HS3ST4: variants seen among roughly 807,000 people sequenced by gnomAD.
HS3ST4 encodes heparan sulfate glucosamine 3-O-sulfotransferase 4.
HS3ST4 carries 17 observed loss-of-function variants against 29.2 expected under a neutral mutation model. The observed-to-expected ratio is 0.58, with a 90% CI of 0.40 to 0.87. The LOEUF (loss-of-function observed/expected upper bound fraction) is 0.87. HS3ST4 is among the 40% of genes least tolerant of loss of function. The probability of loss-of-function intolerance (pLI) is 0.00; values close to 1 mark genes in which losing one functional copy is unlikely to be tolerated. For missense variants in HS3ST4, 627 were observed against 634.5 expected (o/e 0.99, Z 0.13); for synonymous variants, 314 against 285.7 (o/e 1.10, Z -1.00).
intron 1 of HS3ST4, among the ~76,000 whole-genome samples, chr16:26,127,346 C>A: frequency 6.6e-6 from 1 of 152,208 alleles, no homozygotes; most frequent in East Asian, 1.9e-4. Context: ...GTCACGATGG[C>A]TCACGCCAGT....
intron 1 of HS3ST4, among the ~76,000 whole-genome samples, chr16:25,962,539 A>G (rs1968805677): frequency 6.6e-6 from 1 of 152,164 alleles, no homozygotes; most frequent in Non-Finnish European, 1.5e-5. Context: ...GTGCCTAACC[A>G]CAGTAACAAT....
rs1051885767 is a variant in HS3ST4, at chr16:25,692,464, C to T, written c.47C>T (p.Pro16Leu). 9.8e-5 allele frequency: 133 copies of T among 1,356,152 alleles called. 1 individual carries two copies. The highest frequency in any genetic ancestry group is 1.2e-4 in the Non-Finnish European group (124 of 1,040,914). The allele number at this position is 1,356,152 out of a possible 1,614,324, so 84.0% of individuals were successfully genotyped here. ...APPPPPPPPP[P>L]LAAPPPPGAS... ...CCTCCGCCTCCGCCTCCGCCTCCAC[C>T]TCTGGCCGCGCCGCCGCCGCCCGGC... is the stretch of plus-strand genomic sequence containing the variant. Residue 16 changes from proline (P) to leucine (L), a missense_variant, in exon 1 of 2, where the codon CCT (proline) becomes CTT (leucine). Physicochemically the swap from Pro to Leu is moderately conservative, Grantham distance 98. This residue lies in a region of HS3ST4 where 402 missense variants were observed against 340.8 expected (regional missense o/e 1.18). Coordinates refer to ENST00000331351, the MANE Select transcript of HS3ST4 (RefSeq NM_006040.3).
intron 1 of HS3ST4, among the ~76,000 whole-genome samples, chr16:25,781,274 C>T (rs1966852340): frequency 6.6e-6 from 1 of 152,168 alleles, no homozygotes; most frequent in Admixed American, 6.5e-5. Context: ...TTAAAGTAGG[C>T]TCTTTTGCTC....
At chr16:25,885,307 G>A (rs1199190027) in intron 1 of HS3ST4, among the ~76,000 whole-genome samples, 1 of 152,176 alleles carries the variant, frequency 6.6e-6, no homozygotes, top group Admixed American at 6.5e-5. Context: ...CAAAACAGTG[G>A]TTTCTCAACT....
intron 1 of HS3ST4, among the ~76,000 whole-genome samples, chr16:25,706,595 ACTGTT>A (rs778668613): frequency 2.1e-4 from 32 of 151,896 alleles, no homozygotes; most frequent in Admixed American, 4.6e-4. Flanking sequence ...ATGTGTTCTC[ACTGTT>A]CGGCTCCCAC....
chr16:25,722,128 T>C (rs1966501478), intron 1 of HS3ST4, among the ~76,000 whole-genome samples: 2 of 152,240 alleles, frequency 1.3e-5, no homozygotes, highest in African/African-American at 4.8e-5. Context: ...AGGATTCTAC[T>C]GGGAGTGGGT....
chr16:26,030,392 G>A (rs1969521017), intron 1 of HS3ST4, among the ~76,000 whole-genome samples: 1 of 152,146 alleles, frequency 6.6e-6, no homozygotes, highest in Non-Finnish European at 1.5e-5. Flanking sequence ...GGCACCGGGT[G>A]AGACGCCGTC....
chr16:25,891,177 C>T (rs1968004186), intron 1 of HS3ST4, among the ~76,000 whole-genome samples: 1 of 152,124 alleles, frequency 6.6e-6, no homozygotes, highest in South Asian at 2.1e-4. Flanking sequence ...AGCCTGTCAC[C>T]GGGTATTAGG....
At chr16:25,884,528 G>A (rs139868453) in intron 1 of HS3ST4, among the ~76,000 whole-genome samples, 10 of 152,228 alleles carry the variant, frequency 6.6e-5, no homozygotes, top group Non-Finnish European at 1.2e-4. Context: ...CCCCTTTGTA[G>A]CATCTTTAGA....
chr16:25,834,031 T>C (rs1967333199), intron 1 of HS3ST4, among the ~76,000 whole-genome samples: 1 of 151,768 alleles, frequency 6.6e-6, no homozygotes. Flanking sequence ...GAAAAAAAAA[T>C]GGCCAAGATT....
chr16:26,041,836 T>A (rs12922783), intron 1 of HS3ST4, among the ~76,000 whole-genome samples: 4,607 of 152,316 alleles, frequency 0.03, 93 homozygotes, highest in Non-Finnish European at 0.046. Flanking sequence ...ACTGTCCCAG[T>A]CAAACCATGA....
intron 1 of HS3ST4, among the ~76,000 whole-genome samples, chr16:26,050,787 G>T (rs1898332636): frequency 6.6e-6 from 1 of 152,200 alleles, no homozygotes; most frequent in Admixed American, 6.5e-5. Context: ...GTTGTGTGAA[G>T]GCATGCATCC....
chr16:25,862,671 C>T (rs562506388), intron 1 of HS3ST4, among the ~76,000 whole-genome samples: 1 of 150,490 alleles, frequency 6.6e-6, no homozygotes, highest in South Asian at 2.1e-4. Context: ...CGCTATTTAA[C>T]GATACCGTTT....
chr16:26,058,410 G>A (rs1898436565), intron 1 of HS3ST4, among the ~76,000 whole-genome samples: 2 of 152,156 alleles, frequency 1.3e-5, no homozygotes, highest in Admixed American at 1.3e-4. Flanking sequence ...GGGCTTTGGG[G>A]CAGGGCAGCA....
intron 1 of HS3ST4, among the ~76,000 whole-genome samples, chr16:25,961,971 G>C (rs1331623865): frequency 6.6e-6 from 1 of 152,178 alleles, no homozygotes; most frequent in Non-Finnish European, 1.5e-5. Flanking sequence ...AGATGATACT[G>C]TTGATATTTA....
chr16:25,780,262 G>T (rs1426172423), intron 1 of HS3ST4, among the ~76,000 whole-genome samples: 1 of 152,042 alleles, frequency 6.6e-6, no homozygotes, highest in South Asian at 2.1e-4. Context: ...TTTCCATATG[G>T]CCAAGCTATA....
intron 1 of HS3ST4, among the ~76,000 whole-genome samples, chr16:25,735,116 T>G (rs2141595301): frequency 6.6e-6 from 1 of 152,352 alleles, no homozygotes; most frequent in South Asian, 2.1e-4. Context: ...AAATACTGCC[T>G]TCAACCCTTG....
intron 1 of HS3ST4, among the ~76,000 whole-genome samples, chr16:25,732,769 C>A (rs1966579295): frequency 6.6e-6 from 1 of 152,164 alleles, no homozygotes; most frequent in African/African-American, 2.4e-5. Flanking sequence ...ATCGGAAGCC[C>A]TGTGTCTTCA....
intron 1 of HS3ST4, among the ~76,000 whole-genome samples, chr16:26,047,551 G>C (rs1484692883): frequency 1.3e-5 from 2 of 152,118 alleles, no homozygotes; most frequent in African/African-American, 2.4e-5. Context: ...TATCAACCCT[G>C]CTTTCCAGGT....
Sources: gnomAD v4.1 joint callset for allele counts (sites outside exome capture counted in the v4.1 genomes callset) on GRCh38, gnomAD v4.1.1 for gene constraint, gnomAD v4.1.1 regional missense constraint, MANE v1.5 for transcripts, NCBI Gene and HGNC (gene_info 2026-07-23, HGNC 2026-07-21) for gene names.